Variants in ERCC6L2 observed in about 807,000 individuals in gnomAD.
The protein encoded by ERCC6L2 is ERCC excision repair 6 like 2.
ERCC6L2 carries 77 observed loss-of-function variants against 132.0 expected under a neutral mutation model. That is an observed-to-expected ratio of 0.58 (90% CI 0.49 to 0.71). The LOEUF is 0.71. Ranked by LOEUF, ERCC6L2 falls within the 30% of genes least tolerant of loss-of-function variation. The pLI is 0.00. For missense variants in ERCC6L2, 1,542 were observed against 1,837.6 expected (o/e 0.84, Z 2.94); for synonymous variants, 583 against 632.4 (o/e 0.92, Z 1.17).
At chr9:96,026,325 C>A (rs551811955) in intron 19 of ERCC6L2, among the ~76,000 whole-genome samples, 35 of 152,326 alleles carry the variant, frequency 2.3e-4, no homozygotes, top group Middle Eastern at 3.4e-3. Context: ...GTTGGCAGAA[C>A]CTGGCGGGAG....
rs370345105 is a variant in ERCC6L2, at chr9:95,928,883, A to G, written c.1751+19A>G. 7.6e-4 allele frequency: 1,138 copies of G among 1,489,832 alleles called. 1 individual carries two copies. The highest frequency in any genetic ancestry group is 9.6e-4 in the Non-Finnish European group (1,068 of 1,108,138). 92.3% of individuals were successfully genotyped at this position (1,489,832 alleles called of 1,614,324 possible). ...CTACAATGTAAGAAAATTAAATTTA[A>G]TAACTAGATTTTTATCCAATTGTTT... On this transcript the variant is annotated intron_variant, in intron 11 of 18. Transcript: ENST00000653738.
At chr9:95,999,926 A>G (rs1397553462) in intron 17 of ERCC6L2, among the ~76,000 whole-genome samples, 2 of 148,466 alleles carry the variant, frequency 1.3e-5, no homozygotes, top group African/African-American at 2.5e-5. Flanking sequence ...GTCTCACTCC[A>G]TTGCCAGGCT....
intron 2 of ERCC6L2, among the ~76,000 whole-genome samples, chr9:95,897,001 G>T (rs76751492): frequency 0.03 from 4,601 of 151,890 alleles, 94 homozygotes; most frequent in East Asian, 0.13. Flanking sequence ...CCCTTGTTAA[G>T]TATACTTTTT....
intron 12 of ERCC6L2, among the ~76,000 whole-genome samples, chr9:95,947,789 A>T (rs894798876): frequency 5.9e-5 from 9 of 152,200 alleles, no homozygotes; most frequent in Non-Finnish European, 1.5e-5. Flanking sequence ...TGTGCTTTGT[A>T]AAATGGAACA....
intron 19 of ERCC6L2, among the ~76,000 whole-genome samples, chr9:96,029,469 C>CA (rs1305844538): frequency 1.3e-5 from 2 of 152,038 alleles, no homozygotes; most frequent in African/African-American, 4.8e-5. Flanking sequence ...CTGGATGTGT[C>CA]CAGTTTGTGA....
At chr9:95,996,883 G>A (rs1218958972) in intron 17 of ERCC6L2, among the ~76,000 whole-genome samples, 1 of 152,140 alleles carries the variant, frequency 6.6e-6, no homozygotes, top group Admixed American at 6.5e-5. Flanking sequence ...CTACTAACAC[G>A]GCATTTATTC....
Position 95,923,372 on chromosome 9 carries a change from A to G in ERCC6L2, c.1526A>G (p.Lys509Arg), listed in dbSNP as rs1477160692. 18 of 1,613,268 alleles carry G rather than the reference A, an allele frequency of 1.1e-5. No individual in the cohort carries two copies. Among genetic ancestry groups the G allele is most frequent in the Non-Finnish European group, 1.5e-5 (18 of 1,179,512 alleles). ...CTTTCTGACCCTAAATACAGTGGAA[A>G]AATGAAGGTAAGTGCTCCTCTTTCA... The part of the protein sequence containing the change: ...ETLSDPKYSG[K>R]MKVLQQLLNH... The change falls in exon 9 of 19, where the codon AAA becomes AGA. Residue 509 changes from lysine to arginine, a missense_variant. Physicochemically the swap from Lys to Arg is conservative, Grantham distance 26. Transcript: ENST00000653738.
intron 18 of ERCC6L2, 71 bp from the exon 19 acceptor site, chr9:96,012,154 T>C: frequency 2.0e-6 from 2 of 1,018,228 alleles, no homozygotes; most frequent in Non-Finnish European, 2.6e-6. Flanking sequence ...CATTTCCTCT[T>C]ACTGGTGATG....
intron 17 of ERCC6L2, among the ~76,000 whole-genome samples, chr9:95,995,710 C>T (rs547045994): frequency 4.6e-5 from 7 of 152,278 alleles, no homozygotes; most frequent in African/African-American, 1.4e-4. Flanking sequence ...TGGTAATTCT[C>T]ACAATATTTT....
chr9:95,904,564 C>T (rs1011260260), intron 3 of ERCC6L2, among the ~76,000 whole-genome samples: 2 of 152,130 alleles, frequency 1.3e-5, no homozygotes, highest in African/African-American at 4.8e-5. Flanking sequence ...GAGTGTGTTG[C>T]TTAATATCTC....
intron 13 of ERCC6L2, among the ~76,000 whole-genome samples, chr9:95,966,049 T>G (rs1031051883): frequency 6.6e-6 from 1 of 152,200 alleles, no homozygotes; most frequent in Admixed American, 6.6e-5. Context: ...TATTCAAAAT[T>G]ATGTCAAAGA....
chr9:96,033,965 T>C (rs759386604), intron 19 of ERCC6L2, among the ~76,000 whole-genome samples: 5 of 152,236 alleles, frequency 3.3e-5, no homozygotes, highest in Non-Finnish European at 5.9e-5. Context: ...GCCCGTTGTC[T>C]GCACCAGGAT....
intron 17 of ERCC6L2, among the ~76,000 whole-genome samples, chr9:95,979,233 C>T (rs1832793830): frequency 6.6e-6 from 1 of 152,074 alleles, no homozygotes; most frequent in Non-Finnish European, 1.5e-5. Context: ...TGTGTGTGGG[C>T]AGTTTGGGTG....
intron 1 of ERCC6L2, among the ~76,000 whole-genome samples, chr9:95,879,132 G>C (rs10986996): frequency 6.6e-6 from 1 of 151,788 alleles, no homozygotes; most frequent in Non-Finnish European, 1.5e-5. Flanking sequence ...CAGTGTAAAA[G>C]TGTTCCTATT....
intron 2 of ERCC6L2, among the ~76,000 whole-genome samples, chr9:95,888,300 CTG>C (rs775995851): frequency 2.0e-4 from 30 of 152,098 alleles, no homozygotes; most frequent in African/African-American, 7.2e-4. Flanking sequence ...TGAGCTGACT[CTG>C]TGAGGAAAGA....
chr9:95,992,813 G>A, intron 17 of ERCC6L2, among the ~76,000 whole-genome samples: 1 of 152,166 alleles, frequency 6.6e-6, no homozygotes, highest in East Asian at 1.9e-4. Flanking sequence ...TGCCTGCCAA[G>A]AAAGGCTTTC....
chr9:95,978,251 C>A (rs367816300), intron 17 of ERCC6L2, 36 bp downstream of exon 17: 8 of 1,283,522 alleles, frequency 6.2e-6, no homozygotes, highest in Non-Finnish European at 7.2e-6. Context: ...TCTTTAGTTA[C>A]CTCATTTTTC....
chr9:96,024,208 C>A (rs553668264), intron 19 of ERCC6L2, among the ~76,000 whole-genome samples: 3 of 152,330 alleles, frequency 2.0e-5, no homozygotes, highest in Admixed American at 6.5e-5. Context: ...AGAGGCAGAG[C>A]AGCTTGCACC....
chr9:96,000,318 A>G (rs1833621478), intron 17 of ERCC6L2, among the ~76,000 whole-genome samples: 1 of 152,216 alleles, frequency 6.6e-6, no homozygotes, highest in Non-Finnish European at 1.5e-5. Flanking sequence ...TGAACATGTC[A>G]GTTTTCCTTA....
Sources: gnomAD v4.1 joint callset for allele counts (sites outside exome capture counted in the v4.1 genomes callset) on GRCh38, gnomAD v4.1.1 for gene constraint, MANE v1.5 for transcripts, NCBI Gene and HGNC (gene_info 2026-07-23, HGNC 2026-07-21) for gene names.